Variants in MEGF11 observed in about 807,000 individuals in gnomAD.
The protein encoded by MEGF11 is multiple epidermal growth factor-like domains protein 11.
MEGF11 carries 126 observed loss-of-function variants against 146.6 expected under a neutral mutation model. The observed-to-expected ratio is 0.86, with a 90% CI of 0.74 to 1.00. The LOEUF is 1.00. MEGF11 is among the 50% of genes least tolerant of loss of function. MEGF11 has a pLI of 0.00. For synonymous variants in MEGF11, 532 were observed against 583.4 expected (o/e 0.91, Z 1.27); for missense variants, 1,509 against 1,521.2 (o/e 0.99, Z 0.13).
chr15:66,165,488 A>G (rs2090073135), intron 1 of MEGF11, among the ~76,000 whole-genome samples: 1 of 152,150 alleles, frequency 6.6e-6, no homozygotes, highest in Non-Finnish European at 1.5e-5. Context: ...AGAAAGGAAC[A>G]TCTTTTTTAA....
intron 1 of MEGF11, among the ~76,000 whole-genome samples, chr15:66,239,143 C>A (rs1018699319): frequency 1.3e-5 from 2 of 152,194 alleles, no homozygotes; most frequent in Non-Finnish European, 2.9e-5. Context: ...TCACCTTACT[C>A]GGGAAGGACA....
At chr15:66,075,715 G>A (rs1048030976) in intron 5 of MEGF11, among the ~76,000 whole-genome samples, 1 of 152,234 alleles carries the variant, frequency 6.6e-6, no homozygotes, top group African/African-American at 2.4e-5. Context: ...AACAGTGGGT[G>A]TTTTGAAGCA....
At chr15:66,205,758 C>G (rs1436803424) in intron 1 of MEGF11, among the ~76,000 whole-genome samples, 2 of 152,210 alleles carry the variant, frequency 1.3e-5, no homozygotes, top group East Asian at 3.8e-4. Flanking sequence ...ATCTAGATTT[C>G]TACATCTACC....
At chr15:65,916,065 G>C (rs553258108) in intron 18 of MEGF11, 83 bp downstream of exon 18, 6 of 1,457,336 alleles carry the variant, frequency 4.1e-6, no homozygotes, top group Non-Finnish European at 5.5e-6. Flanking sequence ...CCCTGAGTGA[G>C]TGGACCTTGA....
At chr15:66,185,731 T>C (rs887411318) in intron 1 of MEGF11, among the ~76,000 whole-genome samples, 3 of 152,174 alleles carry the variant, frequency 2.0e-5, no homozygotes, top group African/African-American at 7.2e-5. Flanking sequence ...GTGGGTCAGA[T>C]GCCCACCCAG....
intron 1 of MEGF11, among the ~76,000 whole-genome samples, chr15:66,205,445 G>C (rs1315355041): frequency 2.6e-5 from 4 of 152,092 alleles, no homozygotes; most frequent in Non-Finnish European, 4.4e-5. Flanking sequence ...TCCTGTCTTG[G>C]GGGTGGTGGG....
intron 5 of MEGF11, among the ~76,000 whole-genome samples, chr15:66,041,081 T>C (rs2083955751): frequency 6.6e-6 from 1 of 152,154 alleles, no homozygotes; most frequent in African/African-American, 2.4e-5. Context: ...CAAGAATCCA[T>C]GAATGACTGC....
chr15:65,982,284 C>CG lies in MEGF11; in HGVS notation c.598dup (p.Arg200ProfsTer30), dbSNP rs1567188631. On this transcript the variant is annotated frameshift_variant, in exon 6 of 26. Coordinates refer to ENST00000395614, the MANE Select transcript of MEGF11 (RefSeq NM_001385028.1). LOFTEE classifies it high-confidence loss of function. This position sits in a 1 kb window ranked among gnomAD's most constrained non-coding sequence, Gnocchi z 5.6. ...AGGTGCGCAGAGGCACTCGCCGGCG[C>CG]GGGGGTCGCAGCTGGCACCGTGTCG... The CG allele has an allele frequency of 1.3e-6, 2 of 1,540,490 alleles. No individual in the cohort carries two copies. Among genetic ancestry groups the CG allele is most frequent in the Admixed American group, 2.0e-5 (1 of 50,906 alleles).
At chr15:66,174,203 A>G (rs2090334487) in intron 1 of MEGF11, among the ~76,000 whole-genome samples, 1 of 152,222 alleles carries the variant, frequency 6.6e-6, no homozygotes, top group African/African-American at 2.4e-5. Flanking sequence ...TTCCATGGTC[A>G]TCTTGAGATG....
At chr15:66,101,073 G>A (rs889335975) in intron 4 of MEGF11, among the ~76,000 whole-genome samples, 2 of 152,132 alleles carry the variant, frequency 1.3e-5, no homozygotes, top group Non-Finnish European at 2.9e-5. Context: ...GTGATCCAGC[G>A]AGCAAGGGCA....
intron 5 of MEGF11, among the ~76,000 whole-genome samples, chr15:66,083,231 TAGAG>T (rs2085971996): frequency 6.6e-6 from 1 of 152,232 alleles, no homozygotes; most frequent in African/African-American, 2.4e-5. Flanking sequence ...GGTATGAAGG[TAGAG>T]ATCATCTTTT....
At chr15:66,114,038 G>A (rs145007584) in intron 4 of MEGF11, among the ~76,000 whole-genome samples, 120 of 152,252 alleles carry the variant, frequency 7.9e-4, no homozygotes, top group Non-Finnish European at 1.4e-3. Context: ...GCAGTCTGTG[G>A]TATAACAAGT....
chr15:66,038,580 G>T (rs545475908), intron 5 of MEGF11, among the ~76,000 whole-genome samples: 2 of 152,076 alleles, frequency 1.3e-5, no homozygotes, highest in Admixed American at 1.3e-4. Context: ...AAACATGGGC[G>T]GTGTGCCAGG....
intron 8 of MEGF11, among the ~76,000 whole-genome samples, chr15:65,967,366 T>C (rs1159673117): frequency 6.6e-6 from 1 of 152,218 alleles, no homozygotes; most frequent in Non-Finnish European, 1.5e-5. Context: ...AAGGAGTTAG[T>C]GTTTTAATTA....
At chr15:66,146,530 G>T (rs1183974131) in intron 1 of MEGF11, among the ~76,000 whole-genome samples, 1 of 152,268 alleles carries the variant, frequency 6.6e-6, no homozygotes, top group African/African-American at 2.4e-5. Context: ...GACACGGATT[G>T]GTGCATGCCT....
chr15:65,979,301 G>C (rs1295515184), intron 7 of MEGF11, among the ~76,000 whole-genome samples: 1 of 152,160 alleles, frequency 6.6e-6, no homozygotes, highest in African/African-American at 2.4e-5. Context: ...CAGCTCTGGG[G>C]TGCAGTCAGG....
chr15:66,009,427 A>G (rs1194544323), intron 5 of MEGF11, among the ~76,000 whole-genome samples: 1 of 151,892 alleles, frequency 6.6e-6, no homozygotes, highest in Non-Finnish European at 1.5e-5. Context: ...AGGCTCTGTT[A>G]GGCTGACTCA....
rs371915506 is a variant in MEGF11 at position 66,063,786 on chromosome 15, A to T, written c.394+30616T>A. On this transcript the variant is annotated intron_variant, in intron 5 of 25. Coordinates refer to ENST00000395614, the MANE Select transcript of MEGF11 (RefSeq NM_001385028.1). ...GCATCAGTCAGATTAAAATCTGTGGAGGAAAGGGATAAAGGGAAGAAAACA... is the reference window on the plus strand; with the variant it reads ...GCATCAGTCAGATTAAAATCTGTGGTGGAAAGGGATAAAGGGAAGAAAACA... Among the ~76,000 whole-genome samples, 129 of 152,342 alleles carry T rather than the reference A, an allele frequency of 8.5e-4. 3 individuals carry two copies. The highest frequency in any genetic ancestry group is 3.0e-3 in the African/African-American group (126 of 41,576).
chr15:65,930,137 C>A (rs986637381), intron 11 of MEGF11, among the ~76,000 whole-genome samples: 1 of 152,206 alleles, frequency 6.6e-6, no homozygotes, highest in Non-Finnish European at 1.5e-5. Context: ...GGAACAGGCA[C>A]CAGCTCAGGT....
Sources: gnomAD v4.1 joint callset for allele counts (sites outside exome capture counted in the v4.1 genomes callset) on GRCh38, gnomAD v4.1.1 for gene constraint, Gnocchi (gnomAD v3.1) non-coding constraint, MANE v1.5 for transcripts, NCBI Gene and HGNC (gene_info 2026-07-23, HGNC 2026-07-21) for gene names.